ANKDD1B: variants seen among roughly 807,000 people sequenced by gnomAD.
ANKDD1B encodes the protein ankyrin repeat and death domain-containing protein 1B.
Under a neutral mutation model 59.7 loss-of-function variants are expected in ANKDD1B, and 57 were observed. The observed-to-expected ratio is 0.95, with a 90% CI of 0.77 to 1.19. The LOEUF (loss-of-function observed/expected upper bound fraction) is 1.19, where lower values mean the gene tolerates loss of function less well. Among genes scored for constraint, ANKDD1B ranks in the 50% most tolerant of loss-of-function variants. ANKDD1B has a pLI of 0.00. For synonymous variants in ANKDD1B, 216 were observed against 239.5 expected, an observed-to-expected ratio of 0.90 and a Z score of 0.91; for missense variants, 602 against 641.9, an observed-to-expected ratio of 0.94 and a Z score of 0.67.
chr5:75,642,167 T>C (rs1774486955), intron 7 of ANKDD1B, among the ~76,000 whole-genome samples: 1 of 152,202 alleles, frequency 6.6e-6, no homozygotes, highest in Admixed American at 6.5e-5. Context: ...TAGTGTGAGT[T>C]GATTCCCACT....
chr5:75,661,078 G>GT (rs201288015), intron 10 of ANKDD1B, among the ~76,000 whole-genome samples: 14,574 of 142,864 alleles, frequency 0.1, 1,253 homozygotes, highest in African/African-American at 0.23. Context: ...AGGTTTTTTT[G>GT]TTTTTTTTTT....
chr5:75,635,092 C>A, intron 6 of ANKDD1B, 96 bp downstream of exon 6: 1 of 777,824 alleles, frequency 1.3e-6, no homozygotes. Context: ...TTGGTGAGGG[C>A]GTTTTAGTCA....
chr5:75,622,009 T>C (rs537931277), intron 3 of ANKDD1B, among the ~76,000 whole-genome samples: 10 of 152,226 alleles, frequency 6.6e-5, no homozygotes, highest in South Asian at 2.1e-4. Flanking sequence ...CATTACTCTG[T>C]AACTAGTAAA....
At chr5:75,644,949 C>T (rs1181482344) in intron 7 of ANKDD1B, among the ~76,000 whole-genome samples, 1 of 126,724 alleles carries the variant, frequency 7.9e-6, no homozygotes, top group Non-Finnish European at 1.5e-5. Flanking sequence ...GAATCTCACT[C>T]AAAGCCGCTC....
At chr5:75,659,456 G>A in intron 10 of ANKDD1B, 75 bp downstream of exon 10, 1 of 1,043,982 alleles carries the variant, frequency 9.6e-7, no homozygotes, top group South Asian at 1.4e-5. Context: ...GCCTTGAGCA[G>A]CGTTATTGGA....
intron 9 of ANKDD1B, among the ~76,000 whole-genome samples, chr5:75,657,647 G>A (rs1378484619): frequency 1.3e-5 from 2 of 152,158 alleles, no homozygotes; most frequent in African/African-American, 2.4e-5. Context: ...GGTGGCTCAT[G>A]CCTGTAATCC....
At chr5:75,628,178 T>A (rs1774042573) in intron 5 of ANKDD1B, among the ~76,000 whole-genome samples, 1 of 152,216 alleles carries the variant, frequency 6.6e-6, no homozygotes, top group South Asian at 2.1e-4. Context: ...TCATACCTGT[T>A]GACAAAAGTC....
intron 13 of ANKDD1B, among the ~76,000 whole-genome samples, chr5:75,670,304 T>C (rs534431467): frequency 6.6e-6 from 1 of 152,390 alleles, no homozygotes; most frequent in East Asian, 1.9e-4. Context: ...ATTCTACTTA[T>C]AGCATTCTGG....
intron 13 of ANKDD1B, among the ~76,000 whole-genome samples, chr5:75,670,482 G>A (rs1775447180): frequency 6.6e-6 from 1 of 152,142 alleles, no homozygotes; most frequent in Non-Finnish European, 1.5e-5. Context: ...TGATGATTCG[G>A]ATGATTCAGA....
At chr5:75,652,236 TATC>T (rs1774852093) in intron 7 of ANKDD1B, among the ~76,000 whole-genome samples, 1 of 152,192 alleles carries the variant, frequency 6.6e-6, no homozygotes, top group African/African-American at 2.4e-5. Context: ...CCCCACCTCC[TATC>T]ATCATCACAT....
intron 8 of ANKDD1B, among the ~76,000 whole-genome samples, chr5:75,653,941 G>A (rs561070466): frequency 6.6e-6 from 1 of 152,360 alleles, no homozygotes; most frequent in East Asian, 1.9e-4. Flanking sequence ...CTCAGGAGGA[G>A]CTGGGCCCCT....
chr5:75,656,633 A>G (rs750081622), intron 9 of ANKDD1B, among the ~76,000 whole-genome samples: 27 of 152,358 alleles, frequency 1.8e-4, no homozygotes, highest in East Asian at 9.6e-4. Context: ...AAAGTAATCC[A>G]TCACTGGCTG....
chr5:75,669,129 CT>C, intron 12 of ANKDD1B, 122 bp from the exon 13 acceptor site: 2 of 1,026,772 alleles, frequency 1.9e-6, no homozygotes, highest in Non-Finnish European at 2.5e-6. Flanking sequence ...ACTGGAAGGG[CT>C]TTTTTCGAAG....
At chr5:75,619,296 A>C (rs1773788250) in intron 2 of ANKDD1B, among the ~76,000 whole-genome samples, 1 of 152,242 alleles carries the variant, frequency 6.6e-6, no homozygotes, top group Non-Finnish European at 1.5e-5. Context: ...CTGTGCAGCA[A>C]CTGCCTAAGA....
At chr5:75,621,042 T>A (rs1773834503) in intron 3 of ANKDD1B, among the ~76,000 whole-genome samples, 1 of 152,250 alleles carries the variant, frequency 6.6e-6, no homozygotes, top group South Asian at 2.1e-4. Flanking sequence ...CGCTGCTTTA[T>A]GACCGCAGTT....
intron 5 of ANKDD1B, among the ~76,000 whole-genome samples, chr5:75,630,824 G>C (rs1248408515): frequency 6.6e-6 from 1 of 152,194 alleles, no homozygotes; most frequent in Non-Finnish European, 1.5e-5. Flanking sequence ...TTAGCTGTCT[G>C]CCTGTCAGCA....
At chr5:75,667,546 G>C (rs951614373) in intron 12 of ANKDD1B, among the ~76,000 whole-genome samples, 4 of 152,154 alleles carry the variant, frequency 2.6e-5, no homozygotes, top group African/African-American at 9.7e-5. Flanking sequence ...GACTCAGAGG[G>C]CTTTCTTGGC....
At chr5:75,666,126 T>C (rs529361435) in intron 11 of ANKDD1B, among the ~76,000 whole-genome samples, 5 of 152,316 alleles carry the variant, frequency 3.3e-5, no homozygotes, top group Non-Finnish European at 7.4e-5. Flanking sequence ...TGCAGGACTC[T>C]GGTGGATTCT....
At chr5:75,636,109 G>A (rs1774294545) in intron 7 of ANKDD1B, among the ~76,000 whole-genome samples, 1 of 152,174 alleles carries the variant, frequency 6.6e-6, no homozygotes, top group African/African-American at 2.4e-5. Flanking sequence ...AATATGTACT[G>A]TATGCCAGAT....
Sources: allele counts gnomAD v4.1 joint callset (sites outside exome capture counted in the v4.1 genomes callset), GRCh38; gene constraint gnomAD v4.1.1; transcripts MANE v1.5; gene names NCBI Gene and HGNC (gene_info 2026-07-23, HGNC 2026-07-21).